Variants in ZNF534 observed in about 807,000 individuals in gnomAD.
ZNF534 encodes the protein zinc finger protein 534.
Under a neutral mutation model 13.6 loss-of-function variants are expected in ZNF534, and 19 were observed. The observed-to-expected ratio is 1.40, with a 90% CI of 0.97 to 2.05. The LOEUF (loss-of-function observed/expected upper bound fraction) is 2.05. Ranked by LOEUF, ZNF534 falls within the 30% of genes most tolerant of loss-of-function variation. The pLI is 0.00. For missense variants in ZNF534, 782 were observed against 796.3 expected (o/e 0.98, Z 0.22); for synonymous variants, 244 against 273.8 (o/e 0.89, Z 1.07).
At chr19:52,435,898 T>C (rs961366760) in intron 4 of ZNF534, among the ~76,000 whole-genome samples, 11 of 151,644 alleles carry the variant, frequency 7.3e-5, no homozygotes, top group Non-Finnish European at 1.3e-4. Context: ...TTACTAAATA[T>C]AGTATTCTTC....
chr19:52,438,946 T>C lies in ZNF534; in HGVS notation c.1486T>C (p.Cys496Arg). The change falls in exon 5 of 5, where the codon TGT (cysteine) becomes CGT (arginine). Residue 496 changes from cysteine to arginine, a missense_variant. Cys to Arg is a radical substitution (Grantham distance 180). Around this residue, in one of 5 missense-constraint regions of ZNF534, gnomAD observed 591 missense variants for 574.0 expected, o/e 1.03. Transcript: ENST00000433050. ...TCATACTGGAGAGAAGCTTTACAAA[T>C]GTAATGAATGTGGCAAGGTCTTCCG... is the stretch of plus-strand genomic sequence containing the variant. Reference protein sequence around the residue: ...KIHTGEKLYKCNECGKVFRQN... With the variant: ...KIHTGEKLYKRNECGKVFRQN... 8 of 1,603,924 alleles carry C rather than the reference T, an allele frequency of 5.0e-6. No individual in the cohort carries two copies. Among genetic ancestry groups the C allele is most frequent in the Non-Finnish European group, 6.8e-6 (8 of 1,174,910 alleles).
chr19:52,444,830 C>T (rs4801916), downstream of ZNF534, among the ~76,000 whole-genome samples: 138,973 of 152,138 alleles, frequency 0.91, 63,831 homozygotes, highest in Non-Finnish European at 0.96. Context: ...ACCCAAAAGG[C>T]CAGTCTCACT....
rs1171292144 is a variant in ZNF534 at position 52,438,299 on chromosome 19, G to A, written c.839G>A (p.Ser280Asn). ...AACAAAGAATGTGGGAAAGTCTTTA[G>A]TCACCATGCCTACCTTGCACAGCAT... ...YNNKECGKVF[S>N]HHAYLAQHRK... is the part of the protein sequence containing the mutation. The change falls in exon 5 of 5, where the codon AGT (serine) becomes AAT (asparagine). Residue 280 changes from serine to asparagine, a missense_variant. Coordinates refer to ENST00000433050, the MANE Select transcript of ZNF534 (RefSeq NM_001143938.3). The A allele has an allele frequency of 5.0e-6, 8 of 1,606,074 alleles. No homozygotes were observed. Among genetic ancestry groups the A allele is most frequent in the Admixed American group, 1.7e-5 (1 of 59,816 alleles).
At chr19:52,436,681 C>G (rs2059130940) in intron 4 of ZNF534, among the ~76,000 whole-genome samples, 2 of 152,114 alleles carry the variant, frequency 1.3e-5, no homozygotes, top group Admixed American at 1.3e-4. Flanking sequence ...AATAACTTAT[C>G]TTTCAGTTTG....
chr19:52,435,845 C>T (rs1023102033), intron 4 of ZNF534, among the ~76,000 whole-genome samples: 6 of 151,620 alleles, frequency 4.0e-5, no homozygotes, highest in African/African-American at 1.5e-4. Flanking sequence ...TTTCTCAGTT[C>T]TTCTTTATCT....
downstream of ZNF534, among the ~76,000 whole-genome samples, chr19:52,445,552 T>C (rs561347618): frequency 6.6e-6 from 1 of 152,258 alleles, no homozygotes; most frequent in African/African-American, 2.4e-5. Context: ...TCCCATGATC[T>C]AGACCTTCAG....
At chr19:52,451,583 G>A in exon 5 of ZNF534, 2 of 599,718 alleles carry the variant, frequency 3.3e-6, no homozygotes, top group South Asian at 2.1e-5. Flanking sequence ...CTCCGGGCAC[G>A]CGGGCTACGA....
Position 52,438,455 on chromosome 19 carries a change from G to T in ZNF534, c.995G>T (p.Gly332Val), listed in dbSNP as rs1483595987. 1.9e-6 allele frequency: 3 copies of T among 1,607,880 alleles called. No homozygotes were observed. The highest frequency in any genetic ancestry group is 8.5e-7 in the Non-Finnish European group (1 of 1,176,764). ...AAACCTTATGATTGTAAGGAATGTG[G>T]CAAGGTCTTCAGGCATAAGTCTTCC... ...GEKPYDCKEC[G>V]KVFRHKSSLT... The change falls in exon 5 of 5, where the codon GGC (glycine) becomes GTC (valine). Residue 332 changes from glycine (G) to valine (V), a missense_variant. Gly to Val is a moderately radical substitution (Grantham distance 109). This residue lies in a region of ZNF534 where 591 missense variants were observed against 574.0 expected (regional missense o/e 1.03). Coordinates refer to ENST00000433050, the MANE Select transcript of ZNF534 (RefSeq NM_001143938.3).
chr19:52,451,390 C>T (rs2059215264), exon 5 of ZNF534: 1 of 818,898 alleles, frequency 1.2e-6, no homozygotes, highest in Non-Finnish European at 2.1e-6. Flanking sequence ...GGGCCGAGGC[C>T]ACGGGACTCT....
chr19:52,429,768 T>C (rs1311827668), intron 1 of ZNF534, among the ~76,000 whole-genome samples: 1 of 151,642 alleles, frequency 6.6e-6, no homozygotes, highest in Non-Finnish European at 1.5e-5. Flanking sequence ...TCTAATTTTG[T>C]ATTTTTAGTA....
chr19:52,432,358 C>G (rs897143160), intron 2 of ZNF534, among the ~76,000 whole-genome samples: 1 of 152,112 alleles, frequency 6.6e-6, no homozygotes, highest in African/African-American at 2.4e-5. Context: ...CTGTCTGATT[C>G]TTTAGGTTTG....
chr19:52,434,928 A>G (rs894114404), intron 3 of ZNF534, among the ~76,000 whole-genome samples, 153 bp from the exon 4 acceptor site: 4 of 152,106 alleles, frequency 2.6e-5, no homozygotes, highest in East Asian at 1.9e-4. Context: ...ACATGTTACA[A>G]TGTTCCCTTA....
At chr19:52,443,855 G>C (rs1277968927), downstream of ZNF534, among the ~76,000 whole-genome samples, 1 of 151,970 alleles carries the variant, frequency 6.6e-6, no homozygotes, top group African/African-American at 2.4e-5. Context: ...ATTTCTGTAA[G>C]TGCATCCATT....
intron 4 of ZNF534, among the ~76,000 whole-genome samples, chr19:52,449,215 A>G (rs990297457): frequency 3.9e-5 from 6 of 152,210 alleles, no homozygotes; most frequent in African/African-American, 1.4e-4. Flanking sequence ...ACAGTATACC[A>G]TTGTCTATAT....
At chr19:52,437,679 C>G (rs1416763632) in intron 4 of ZNF534, 53 bp from the exon 5 acceptor site, 3 of 1,482,712 alleles carry the variant, frequency 2.0e-6, no homozygotes, top group South Asian at 1.4e-5. Flanking sequence ...TTCTGTCAGA[C>G]TTTAAACATG....
intron 4 of ZNF534, among the ~76,000 whole-genome samples, chr19:52,436,615 T>TACAAACC (rs2059130593): frequency 6.6e-6 from 1 of 152,176 alleles, no homozygotes; most frequent in African/African-American, 2.4e-5. Flanking sequence ...TGTATTAGGG[T>TACAAACC]TTGTAAGGTT....
At chr19:52,433,842 AT>A (rs1476362077) in intron 2 of ZNF534, 112 bp from the exon 3 acceptor site, 1 of 1,200,758 alleles carries the variant, frequency 8.3e-7, no homozygotes, top group Admixed American at 1.9e-5. Context: ...TTTAATGTGG[AT>A]TTGGCGCAGT....
At chr19:52,448,105 G>A (rs1430387560) in intron 4 of ZNF534, among the ~76,000 whole-genome samples, 2 of 152,020 alleles carry the variant, frequency 1.3e-5, no homozygotes, top group African/African-American at 4.8e-5. Flanking sequence ...AACATAGCGT[G>A]ACCTCATCTC....
Position 52,439,742 on chromosome 19 carries a change from G to A in ZNF534, c.*296G>A, listed in dbSNP as rs1288818849. Among the ~76,000 whole-genome samples, 8 of 139,058 alleles carry A rather than the reference G, an allele frequency of 5.8e-5. No homozygotes were observed. The highest frequency in any genetic ancestry group is 3.1e-5 in the Non-Finnish European group (2 of 63,916). 91.2% of individuals were successfully genotyped at this position (139,058 alleles called of 152,430 possible). A position where few individuals can be genotyped will look rare whatever the true frequency, so the allele number is the denominator to read the frequency against. On this transcript the variant is annotated 3_prime_UTR_variant, in exon 5 of 5. Coordinates refer to ENST00000433050, the MANE Select transcript of ZNF534 (RefSeq NM_001143938.3). Reference sequence around the variant, plus strand: ...ACTGCACTCCAGCCTAGGTGACAGAGTGAAACTCCATCTCAAAAAAAGAAA... The same window carrying A: ...ACTGCACTCCAGCCTAGGTGACAGAATGAAACTCCATCTCAAAAAAAGAAA...
Sources: gnomAD v4.1 joint callset for allele counts (sites outside exome capture counted in the v4.1 genomes callset) on GRCh38, gnomAD v4.1.1 for gene constraint, gnomAD v4.1.1 regional missense constraint, MANE v1.5 for transcripts, NCBI Gene and HGNC (gene_info 2026-07-23, HGNC 2026-07-21) for gene names.